FRMD6: variants seen among roughly 807,000 people sequenced by gnomAD.
FRMD6 encodes the protein FERM domain containing 6.
FRMD6 carries 37 observed loss-of-function variants against 73.2 expected under a neutral mutation model. The ratio of observed to expected loss-of-function variants is 0.51; its 90% CI spans 0.39 to 0.66. The LOEUF is 0.66. Ranked by LOEUF, FRMD6 falls within the 30% of genes least tolerant of loss-of-function variation. The pLI is 0.00. For missense variants in FRMD6, 714 were observed against 780.5 expected (o/e 0.91, Z 1.02); for synonymous variants, 273 against 282.2 (o/e 0.97, Z 0.33).
intron 1 of FRMD6, among the ~76,000 whole-genome samples, chr14:51,510,992 C>G (rs61969794): frequency 6.6e-6 from 1 of 152,030 alleles, no homozygotes; most frequent in Non-Finnish European, 1.5e-5. Context: ...TCCCCGCCCC[C>G]GCCAAGAGGC....
At chr14:51,433,674 T>C in the FRMD6 span, among the ~76,000 whole-genome samples, 1 of 152,130 alleles carries the variant, frequency 6.6e-6, no homozygotes, top group Non-Finnish European at 1.5e-5. Flanking sequence ...AGAGGGTAGA[T>C]GGAAACAGGG....
the FRMD6 span, among the ~76,000 whole-genome samples, chr14:51,449,781 C>A: frequency 1.4e-4 from 21 of 152,286 alleles, no homozygotes; most frequent in South Asian, 8.3e-4. Context: ...CAATAAAACA[C>A]AAACCCACAG....
intron 2 of FRMD6, among the ~76,000 whole-genome samples, chr14:51,617,196 C>T (rs2139899654): frequency 6.6e-6 from 1 of 152,332 alleles, no homozygotes; most frequent in East Asian, 1.9e-4. Context: ...ATTCCCTGCT[C>T]TCCACACACA....
At chr14:51,421,529 G>T in the FRMD6 span, among the ~76,000 whole-genome samples, 1 of 152,164 alleles carries the variant, frequency 6.6e-6, no homozygotes, top group African/African-American at 2.4e-5. Context: ...ATCTGGGTGT[G>T]GTTCTGGATA....
At chr14:51,569,833 T>C (rs1021017496) in intron 1 of FRMD6, among the ~76,000 whole-genome samples, 1 of 151,018 alleles carries the variant, frequency 6.6e-6, no homozygotes, top group Non-Finnish European at 1.5e-5. Flanking sequence ...CTTTTTTTTT[T>C]TTGAGACCGT....
chr14:51,655,346 T>A (rs1892745243), intron 1 of FRMD6, among the ~76,000 whole-genome samples: 1 of 152,194 alleles, frequency 6.6e-6, no homozygotes, highest in Non-Finnish European at 1.5e-5. Context: ...GTCGTGATTG[T>A]GTATAAAACA....
At chr14:51,677,696 A>G (rs1894492342) in intron 1 of FRMD6, among the ~76,000 whole-genome samples, 1 of 152,030 alleles carries the variant, frequency 6.6e-6, no homozygotes, top group Admixed American at 6.6e-5. Context: ...CCAGCTTCCC[A>G]TAGGTACCCA....
chr14:51,470,693 T>A, the FRMD6 span, among the ~76,000 whole-genome samples: 2 of 152,230 alleles, frequency 1.3e-5, no homozygotes, highest in Admixed American at 6.5e-5. Context: ...TCCACAAATT[T>A]TGGTACATTG....
At position 51,495,503 on chromosome 14, in the gene FRMD6, T is replaced by C. The variant is rs144904034; in HGVS notation, c.-210+6083T>C. ...ATAGCTCTTCTGGCAAATTGCCAGA[T>C]TGATTTCCTCAGAAACCAGCAACAA... On this transcript the variant is annotated intron_variant, in intron 1 of 14. Transcript: ENST00000356218. Among the ~76,000 whole-genome samples, 938 of 152,344 alleles carry C rather than the reference T, an allele frequency of 6.2e-3. 5 individuals are homozygous for C. Among genetic ancestry groups the C allele is most frequent in the Non-Finnish European group, 9.8e-3 (670 of 68,030 alleles).
intron 1 of FRMD6, among the ~76,000 whole-genome samples, chr14:51,665,875 C>T (rs1893546148): frequency 6.6e-6 from 1 of 152,202 alleles, no homozygotes; most frequent in Non-Finnish European, 1.5e-5. Flanking sequence ...TTCTCGTCTG[C>T]CGCCATATGA....
chr14:51,571,014 T>C (rs969245801), intron 2 of FRMD6, among the ~76,000 whole-genome samples: 1 of 152,238 alleles, frequency 6.6e-6, no homozygotes, highest in Non-Finnish European at 1.5e-5. Flanking sequence ...AAAATAGTCA[T>C]GGAAGACACA....
the FRMD6 span, among the ~76,000 whole-genome samples, chr14:51,449,094 A>G: frequency 6.6e-6 from 1 of 152,112 alleles, no homozygotes; most frequent in African/African-American, 2.4e-5. Context: ...TGCTGTTGTT[A>G]CAGAGCAGAT....
rs746195758 is a variant in FRMD6 at position 51,715,493 on chromosome 14, A to T, written c.1018A>T (p.Asn340Tyr). 1 of 1,609,080 alleles carries T rather than the reference A, an allele frequency of 6.2e-7. No individual in the cohort carries two copies. Among genetic ancestry groups the T allele is most frequent in the East Asian group, 2.2e-5 (1 of 44,764 alleles). The change falls in exon 10 of 14, where the codon AAC becomes TAC. Residue 340 changes from asparagine to tyrosine, a missense_variant. By Grantham distance (143) the Asn-to-Tyr change is moderately radical. Transcript: ENST00000344768. The part of the protein sequence containing the change: ...VLRHIRKLEE[N>Y]EEKKQYRESY... ...GCGCCATATCCGGAAGCTGGAGGAA[A>T]ACGAAGGTATTGCAGGGTCTGGGGT...
intron 1 of FRMD6, among the ~76,000 whole-genome samples, chr14:51,677,054 G>C (rs527391248): frequency 6.6e-6 from 1 of 152,106 alleles, no homozygotes; most frequent in East Asian, 1.9e-4. Flanking sequence ...ATTCGCACTT[G>C]TTAATGTGTA....
At chr14:51,691,588 AT>A (rs758677611) in intron 2 of FRMD6, among the ~76,000 whole-genome samples, 2,337 of 75,092 alleles carry the variant, frequency 0.031, 11 homozygotes, top group African/African-American at 0.043. Context: ...TTTGATTTTG[AT>A]TTTTTTTTTT....
intron 1 of FRMD6, among the ~76,000 whole-genome samples, chr14:51,543,784 GAGTTCC>G (rs1372101998): frequency 1.3e-5 from 2 of 152,022 alleles, no homozygotes; most frequent in Non-Finnish European, 2.9e-5. Flanking sequence ...TTGGGCAAGG[GAGTTCC>G]ATGAACTCAT....
At chr14:51,598,021 G>A (rs1394269845) in intron 2 of FRMD6, among the ~76,000 whole-genome samples, 1 of 152,166 alleles carries the variant, frequency 6.6e-6, no homozygotes, top group East Asian at 1.9e-4. Flanking sequence ...GAAGAAAAGG[G>A]CAAGAAGCCA....
At chr14:51,537,044 A>G (rs1241141826) in intron 1 of FRMD6, among the ~76,000 whole-genome samples, 2 of 152,218 alleles carry the variant, frequency 1.3e-5, no homozygotes, top group East Asian at 3.9e-4. Context: ...ATCAAAGTCC[A>G]TAGTGTATAT....
At chr14:51,727,659 T>C (rs1359777953) in intron 13 of FRMD6, 86 bp from the exon 14 acceptor site, 3 of 1,310,436 alleles carry the variant, frequency 2.3e-6, no homozygotes, top group Non-Finnish European at 3.2e-6. Flanking sequence ...TACTTAACCT[T>C]TTGTGGTTCT....
Sources: gnomAD v4.1 joint callset for allele counts (sites outside exome capture counted in the v4.1 genomes callset) on GRCh38, gnomAD v4.1.1 for gene constraint, MANE v1.5 for transcripts, NCBI Gene and HGNC (gene_info 2026-07-23, HGNC 2026-07-21) for gene names.